Variants in RESF1 observed in about 807,000 individuals in gnomAD.
The protein encoded by RESF1 is retroelement silencing factor 1, also known as gonad expressed transcript.
RESF1 carries 65 observed loss-of-function variants against 134.7 expected under a neutral mutation model. The observed-to-expected ratio is 0.48, with a 90% CI of 0.40 to 0.59. The LOEUF (loss-of-function observed/expected upper bound fraction) is 0.59. Among genes scored for constraint, RESF1 ranks in the 20% least tolerant of loss-of-function variants. The pLI is 0.00. For missense variants in RESF1, 2,274 were observed against 2,002.7 expected, an observed-to-expected ratio of 1.14 and a Z score of -2.59; for synonymous variants, 762 against 702.2, an observed-to-expected ratio of 1.09 and a Z score of -1.35.
chr12:31,984,174 A>G lies in RESF1; in HGVS notation c.3219A>G (p.Glu1073=). 1 of 1,613,106 alleles carries G rather than the reference A, an allele frequency of 6.2e-7. No homozygotes were observed. The highest frequency in any genetic ancestry group is 8.5e-7 in the Non-Finnish European group (1 of 1,179,730). ...GCATTGAGGCTGTGAATACACGTGA[A>G]GGTTCTGTGGGCCAGCAAACTACAT... is the stretch of plus-strand genomic sequence containing the variant. ...PYGIEAVNTR[E]GSVGQQTTYQ... The change falls in exon 4 of 6, where the codon GAA becomes GAG. Residue 1073 remains glutamate (E), a synonymous_variant. Transcript: ENST00000312561.
At chr12:31,963,260 TG>T (rs1939323720) in intron 2 of RESF1, among the ~76,000 whole-genome samples, 1 of 151,362 alleles carries the variant, frequency 6.6e-6, no homozygotes, top group Admixed American at 6.6e-5. Context: ...ATAGGAGAAT[TG>T]CTTGAACCCA....
chr12:31,974,738 C>A (rs1939591982), intron 3 of RESF1, among the ~76,000 whole-genome samples: 1 of 152,060 alleles, frequency 6.6e-6, no homozygotes, highest in Non-Finnish European at 1.5e-5. Context: ...ACGTAAAAGC[C>A]AGGGGACAGT....
At position 31,985,777 on chromosome 12, in the gene RESF1, CATAAAG is replaced by C. The variant is rs776451849; in HGVS notation, c.4827_4832del (p.Asp1610_Lys1611del). Reference sequence around the variant, plus strand: ...ATTAGAAAGTTCACCCAGGAAGCTTCATAAAGATAAGAGACAGGAAAATAAACATAA... The same window carrying C: ...ATTAGAAAGTTCACCCAGGAAGCTTCATAAGAGACAGGAAAATAAACATAA... On this transcript the variant is annotated inframe_deletion, in exon 4 of 6. Transcript: ENST00000312561. 3 of 1,570,128 alleles carry C rather than the reference CATAAAG, an allele frequency of 1.9e-6. No homozygotes were observed. Among genetic ancestry groups the C allele is most frequent in the South Asian group, 1.2e-5 (1 of 83,254 alleles).
intron 1 of RESF1, chr12:31,959,993 TCTC>T (rs1314540669): frequency 1.3e-5 from 2 of 151,830 alleles, no homozygotes; most frequent in African/African-American, 2.4e-5. Context: ...TCCCGAGGGT[TCTC>T]CTCCTCCCCG....
Position 31,982,953 on chromosome 12 carries a change from T to C in RESF1, c.1998T>C (p.Ser666=). Residue 666 remains serine (S), a synonymous_variant, in exon 4 of 6, where the codon AGT becomes AGC. Coordinates refer to ENST00000312561, the MANE Select transcript of RESF1 (RefSeq NM_018169.4). ...STKGMPAKSD[S]SCSMEVLATC... ...AAGGAATGCCTGCTAAAAGTGACAG[T>C]AGCTGTTCCATGGAAGTGCTAGCAA... 6.2e-7 allele frequency: 1 copy of C among 1,614,114 alleles called. No homozygotes were observed. Among genetic ancestry groups the C allele is most frequent in the Non-Finnish European group, 8.5e-7 (1 of 1,180,016 alleles).
At chr12:31,969,694 A>G (rs899720401) in intron 2 of RESF1, among the ~76,000 whole-genome samples, 5 of 152,144 alleles carry the variant, frequency 3.3e-5, no homozygotes, top group East Asian at 1.9e-4. Flanking sequence ...TCTGGAGTGC[A>G]GTGGCATGAT....
intron 3 of RESF1, among the ~76,000 whole-genome samples, chr12:31,974,190 A>G (rs1045407828): frequency 6.6e-6 from 1 of 151,714 alleles, no homozygotes; most frequent in Non-Finnish European, 1.5e-5. Flanking sequence ...GGTCACCTCT[A>G]TGTTACCAGA....
At chr12:31,961,593 C>T (rs7955697) in intron 2 of RESF1, among the ~76,000 whole-genome samples, 40,160 of 152,110 alleles carry the variant, frequency 0.26, 5,430 homozygotes, top group African/African-American at 0.34. Context: ...TGTAATGCTG[C>T]CTTAGCAGAA....
chr12:31,972,152 G>A (rs1939522997), intron 3 of RESF1, among the ~76,000 whole-genome samples: 1 of 152,098 alleles, frequency 6.6e-6, no homozygotes, highest in Non-Finnish European at 1.5e-5. Context: ...TGAATCCTTG[G>A]TAATATACTT....
At chr12:31,989,259 G>A (rs865934983) in intron 5 of RESF1, among the ~76,000 whole-genome samples, 1 of 151,512 alleles carries the variant, frequency 6.6e-6, no homozygotes, top group Non-Finnish European at 1.5e-5. Context: ...AGCCGAGTGT[G>A]GTGGCGGGCA....
chr12:31,982,645 G>C lies in RESF1; in HGVS notation c.1690G>C (p.Val564Leu). 2 of 1,614,018 alleles carry C rather than the reference G, an allele frequency of 1.2e-6. No homozygotes were observed. The highest frequency in any genetic ancestry group is 1.7e-6 in the Non-Finnish European group (2 of 1,180,002). The change falls in exon 4 of 6, where the codon GTT becomes CTT. Residue 564 changes from valine (V) to leucine (L), a missense_variant. Physicochemically the swap from Val to Leu is conservative, Grantham distance 32. Transcript: ENST00000312561. ...ACCAGCAGTTTGTGAAACAATTTCTGTTCCCAAGTCCATGTCCACTGAGGA... is the reference window on the plus strand; with the variant it reads ...ACCAGCAGTTTGTGAAACAATTTCTCTTCCCAAGTCCATGTCCACTGAGGA... ...NSPAVCETIS[V>L]PKSMSTEEYK...
chr12:31,990,823 C>T (rs1034461933), intron 5 of RESF1, among the ~76,000 whole-genome samples: 4 of 152,234 alleles, frequency 2.6e-5, no homozygotes, highest in East Asian at 3.9e-4. Flanking sequence ...AATTATATAC[C>T]TTAGACAAAG....
intron 2 of RESF1, among the ~76,000 whole-genome samples, chr12:31,967,220 T>C (rs1366717623): frequency 6.6e-6 from 1 of 152,202 alleles, no homozygotes; most frequent in African/African-American, 2.4e-5. Flanking sequence ...TAGTAATATA[T>C]GAATCCATTT....
intron 2 of RESF1, among the ~76,000 whole-genome samples, chr12:31,967,516 G>A (rs1243445801): frequency 6.6e-6 from 1 of 152,044 alleles, no homozygotes; most frequent in Non-Finnish European, 1.5e-5. Context: ...ATGATGGGAT[G>A]GGAAAACACA....
intron 1 of RESF1, 173 bp downstream of exon 1, chr12:31,959,664 G>C (rs1411013158): frequency 6.6e-6 from 1 of 151,034 alleles, no homozygotes; most frequent in Non-Finnish European, 1.5e-5. Flanking sequence ...CGGGCCTCGG[G>C]CCCCGCCGGC....
chr12:31,970,885 A>G (rs1939491641), intron 3 of RESF1, among the ~76,000 whole-genome samples: 2 of 149,980 alleles, frequency 1.3e-5, no homozygotes, highest in African/African-American at 4.9e-5. Flanking sequence ...ATAATTTCAT[A>G]TAAAAGCCTT....
At chr12:31,986,962 T>G (rs1939987378) in intron 4 of RESF1, among the ~76,000 whole-genome samples, 1 of 152,228 alleles carries the variant, frequency 6.6e-6, no homozygotes, top group Admixed American at 6.5e-5. Context: ...AATGTAGTTT[T>G]CTATCTCATG....
chr12:31,985,641 C>T lies in RESF1; in HGVS notation c.4686C>T (p.Ser1562=). The T allele has an allele frequency of 6.2e-7, 1 of 1,612,400 alleles. No homozygotes were observed. The highest frequency in any genetic ancestry group is 8.5e-7 in the Non-Finnish European group (1 of 1,179,616). Residue 1562 remains serine, a synonymous_variant, in exon 4 of 6, where the codon AGC becomes AGT. Coordinates refer to ENST00000312561, the MANE Select transcript of RESF1 (RefSeq NM_018169.4). ...KTKLDKLTNI[S]NEAQFSQMPP... The stretch of plus-strand genomic sequence containing the variant: ...AATTAGACAAATTAACCAATATAAG[C>T]AACGAAGCTCAATTCAGCCAAATGC...
At position 31,989,825 on chromosome 12, in the gene RESF1, T is replaced by C. The variant is rs1340742692; in HGVS notation, c.5086+2503T>C. On this transcript the variant is annotated intron_variant, in intron 5 of 5. Transcript: ENST00000312561. ...TGAGATCGGACCACTGCACTCCAGC[T>C]TGGGCGACAGAGCAAAACTCTGTCT... Among the ~76,000 whole-genome samples, 17 of 152,100 alleles carry C rather than the reference T, an allele frequency of 1.1e-4. No individual in the cohort carries two copies. The East Asian group carries it at 3.3e-3, about 29-fold the overall frequency.
Sources: gnomAD v4.1 joint callset for allele counts (sites outside exome capture counted in the v4.1 genomes callset) on GRCh38, gnomAD v4.1.1 for gene constraint, MANE v1.5 for transcripts, NCBI Gene and HGNC (gene_info 2026-07-23, HGNC 2026-07-21) for gene names.